ARSG: variants seen among roughly 807,000 people sequenced by gnomAD.
ARSG encodes arylsulfatase G.
In ARSG, 37 loss-of-function variants were observed where a neutral mutation model predicts 50.5. That is an observed-to-expected ratio of 0.73 (90% CI 0.56 to 0.96). The LOEUF (loss-of-function observed/expected upper bound fraction) is 0.96. Ranked by LOEUF, ARSG falls within the 50% of genes least tolerant of loss-of-function variation. ARSG has a pLI of 0.00. For synonymous variants in ARSG, 225 were observed against 254.6 expected (o/e 0.88, Z 1.11); for missense variants, 629 against 675.3 (o/e 0.93, Z 0.76).
chr17:68,433,193 A>G, the ARSG span, among the ~76,000 whole-genome samples: 1 of 152,266 alleles, frequency 6.6e-6, no homozygotes, highest in Non-Finnish European at 1.5e-5. Context: ...CAGATGAGGA[A>G]ACTGAAGGAC....
In ARSG at chr17:68,271,398, G is replaced by C. The variant is rs782735791; in HGVS notation, c.-552+11972G>C. On this transcript the variant is annotated intron_variant, in intron 1 of 11. Transcript: ENST00000448504. This position sits in a 1 kb window ranked among gnomAD's most constrained non-coding sequence, Gnocchi z 5.3. ...CCTTCGGCTCCAGTTCCAGGTTAGT[G>C]TGAGTAGGCACATTTTTAGGTGAGG... is the stretch of plus-strand genomic sequence containing the variant. The C allele has an allele frequency of 1.6e-5, 26 of 1,614,152 alleles. No homozygotes were observed. In the South Asian group the frequency reaches 2.9e-4, roughly 18 times the overall value.
chr17:68,434,505 C>T, the ARSG span: 1 of 1,603,758 alleles, frequency 6.2e-7, no homozygotes. Context: ...CCAGCGGTCC[C>T]TGCGGGACTT....
At chr17:68,269,036 C>T (rs1263737773) in intron 1 of ARSG, 10 of 1,593,494 alleles carry the variant, frequency 6.3e-6, no homozygotes, top group Admixed American at 1.8e-5. Context: ...CTTGTGTCCC[C>T]GTTGGGCCCA....
intron 1 of ARSG, among the ~76,000 whole-genome samples, chr17:68,295,180 C>G (rs1443435784): frequency 6.6e-6 from 1 of 151,964 alleles, no homozygotes; most frequent in Non-Finnish European, 1.5e-5. Flanking sequence ...GGAGAACTGG[C>G]AAGGGGTGCT....
intron 6 of ARSG, 73 bp downstream of exon 6, chr17:68,356,877 G>A (rs2079058613): frequency 6.3e-7 from 1 of 1,590,788 alleles, no homozygotes; most frequent in Non-Finnish European, 8.6e-7. Flanking sequence ...CATGTCCCTT[G>A]GCCTCAGCAC....
intron 8 of ARSG, 78 bp downstream of exon 8, chr17:68,370,602 TG>T: frequency 7.4e-7 from 1 of 1,349,142 alleles, no homozygotes; most frequent in Non-Finnish European, 1.1e-6. Context: ...TGCCTCCGGG[TG>T]GGGGACAACT....
In ARSG at chr17:68,307,400, C is replaced by A. The variant is rs1237102687; in HGVS notation, c.-94C>A. 2 of 997,486 alleles carry A rather than the reference C, an allele frequency of 2.0e-6. No homozygotes were observed. Among genetic ancestry groups the A allele is most frequent in the Non-Finnish European group, 3.1e-6 (2 of 650,902 alleles). The allele number at this position is 997,486 out of a possible 1,614,324, so 61.8% of individuals were successfully genotyped here. ...TTCCACCCCTGCTCCCCAGAGACTT[C>A]CTGCTTTGAAAGTGAGCAGAAAGGA... On this transcript the variant is annotated 5_prime_UTR_variant, in exon 2 of 12. Transcript: ENST00000621439.
chr17:68,385,241 TA>T lies in ARSG; in HGVS notation c.1091+70del, dbSNP rs2080653062. 18 of 1,399,102 alleles carry T rather than the reference TA, an allele frequency of 1.3e-5. No individual in the cohort carries two copies. In the Middle Eastern group the frequency reaches 7.2e-4, roughly 56 times the overall value. 86.7% of individuals were successfully genotyped at this position (1,399,102 alleles called of 1,614,324 possible). On this transcript the variant is annotated intron_variant, in intron 9 of 11. Coordinates refer to ENST00000621439, the MANE Select transcript of ARSG (RefSeq NM_001267727.2). Reference sequence around the variant, plus strand: ...GAAAAGTCATGGAGGCATGGGTGGCTAGATGGAGGCATGGGTGGCTAGATGG... The same window carrying T: ...GAAAAGTCATGGAGGCATGGGTGGCTGATGGAGGCATGGGTGGCTAGATGG...
At chr17:68,408,164 C>T (rs552460544) in intron 11 of ARSG, among the ~76,000 whole-genome samples, 75 of 151,790 alleles carry the variant, frequency 4.9e-4, no homozygotes, top group African/African-American at 1.2e-3. Flanking sequence ...AGGGTACATG[C>T]GCACAATGTG....
At chr17:68,429,543 T>C in the ARSG span, among the ~76,000 whole-genome samples, 1 of 152,176 alleles carries the variant, frequency 6.6e-6, no homozygotes, top group Non-Finnish European at 1.5e-5. Flanking sequence ...TGAAGTCAGA[T>C]AGGAAAAGCA....
intron 1 of ARSG, chr17:68,274,062 C>T (rs1011000406): frequency 1.1e-5 from 17 of 1,612,186 alleles, no homozygotes; most frequent in East Asian, 2.2e-5. Context: ...AGGACTGTGG[C>T]GAGGGGAGCT....
At chr17:68,377,636 C>A (rs1436187208) in intron 8 of ARSG, among the ~76,000 whole-genome samples, 1 of 152,208 alleles carries the variant, frequency 6.6e-6, no homozygotes, top group African/African-American at 2.4e-5. Flanking sequence ...TAAATTTCTT[C>A]ATTCCTGGCT....
At chr17:68,425,558 G>A (rs1292834775), downstream of ARSG, among the ~76,000 whole-genome samples, 2 of 151,916 alleles carry the variant, frequency 1.3e-5, no homozygotes, top group African/African-American at 2.4e-5. Context: ...TGCTGGGGAG[G>A]TGCGGGTCTG....
intron 2 of ARSG, among the ~76,000 whole-genome samples, chr17:68,324,821 A>C (rs1303619352): frequency 6.6e-6 from 1 of 152,212 alleles, no homozygotes; most frequent in African/African-American, 2.4e-5. Flanking sequence ...GACAACGCTA[A>C]TGCCTATTTA....
intron 1 of ARSG, among the ~76,000 whole-genome samples, chr17:68,260,457 C>T (rs2075055532): frequency 6.6e-6 from 1 of 152,102 alleles, no homozygotes; most frequent in African/African-American, 2.4e-5. Flanking sequence ...AGTCTATATA[C>T]TTCTGCCTTA....
At chr17:68,380,510 C>T (rs999845006) in intron 8 of ARSG, among the ~76,000 whole-genome samples, 1 of 152,126 alleles carries the variant, frequency 6.6e-6, no homozygotes, top group Non-Finnish European at 1.5e-5. Context: ...CACAAGCCAT[C>T]CTCCTGTCTT....
chr17:68,441,751 G>A, the ARSG span, among the ~76,000 whole-genome samples: 1 of 152,194 alleles, frequency 6.6e-6, no homozygotes, highest in Non-Finnish European at 1.5e-5. Flanking sequence ...TGGCAACTCT[G>A]GGGGCTAAAA....
At chr17:68,424,087 C>A (rs930052562), downstream of ARSG, among the ~76,000 whole-genome samples, 2 of 152,084 alleles carry the variant, frequency 1.3e-5, no homozygotes, top group Non-Finnish European at 2.9e-5. Context: ...AGAAGAACGC[C>A]CTTTAAGGCC....
At chr17:68,355,937 A>G (rs1050858217) in intron 5 of ARSG, among the ~76,000 whole-genome samples, 4 of 152,094 alleles carry the variant, frequency 2.6e-5, no homozygotes, top group East Asian at 1.9e-4. Flanking sequence ...GGTAGAGTGC[A>G]GTGGGATGAT....
Sources: allele counts gnomAD v4.1 joint callset (sites outside exome capture counted in the v4.1 genomes callset), GRCh38; gene constraint gnomAD v4.1.1; non-coding constraint Gnocchi (gnomAD v3.1); transcripts MANE v1.5; gene names NCBI Gene and HGNC (gene_info 2026-07-23, HGNC 2026-07-21).